LRRC4C: variants seen among roughly 807,000 people sequenced by gnomAD.
LRRC4C encodes leucine rich repeat containing 4C.
LRRC4C carries 5 observed loss-of-function variants against 33.6 expected under a neutral mutation model. That is an observed-to-expected ratio of 0.15 (90% CI 0.08 to 0.31). The LOEUF is 0.31. Among genes scored for constraint, LRRC4C ranks in the 10% least tolerant of loss-of-function variants. The probability of loss-of-function intolerance (pLI) is 1.00; values close to 1 mark genes in which losing one functional copy is unlikely to be tolerated. For missense variants in LRRC4C, 560 were observed against 796.7 expected, an observed-to-expected ratio of 0.70 and a Z score of 3.58; for synonymous variants, 329 against 302.0, an observed-to-expected ratio of 1.09 and a Z score of -0.93.
At chr11:40,273,811 CAG>C (rs1442415631) in intron 4 of LRRC4C, among the ~76,000 whole-genome samples, 1 of 152,068 alleles carries the variant, frequency 6.6e-6, no homozygotes, top group African/African-American at 2.4e-5. Context: ...TTATTGGAAA[CAG>C]AAATGAAAAT....
intron 2 of LRRC4C, among the ~76,000 whole-genome samples, chr11:40,887,761 G>A (rs762893242): frequency 6.6e-6 from 1 of 151,932 alleles, no homozygotes; most frequent in Non-Finnish European, 1.5e-5. Flanking sequence ...TGCTAAGTCT[G>A]AATTACCAGT....
At chr11:41,173,945 T>G (rs1194144502) in intron 1 of LRRC4C, among the ~76,000 whole-genome samples, 2 of 152,126 alleles carry the variant, frequency 1.3e-5, no homozygotes, top group African/African-American at 4.8e-5. Flanking sequence ...GTTATAATGT[T>G]TATCAGAAAT....
At chr11:40,342,723 T>C (rs1946926188) in intron 3 of LRRC4C, among the ~76,000 whole-genome samples, 1 of 152,224 alleles carries the variant, frequency 6.6e-6, no homozygotes, top group African/African-American at 2.4e-5. Context: ...ACTTTGCTTT[T>C]TGAAGTCTCA....
At chr11:40,677,075 T>G (rs2136305028) in intron 2 of LRRC4C, among the ~76,000 whole-genome samples, 1 of 152,256 alleles carries the variant, frequency 6.6e-6, no homozygotes, top group South Asian at 2.1e-4. Context: ...AGGTTTTAAA[T>G]TCTCTTCTTT....
At chr11:40,161,705 C>T (rs941357667) in intron 5 of LRRC4C, among the ~76,000 whole-genome samples, 7 of 152,032 alleles carry the variant, frequency 4.6e-5, no homozygotes, top group Non-Finnish European at 4.4e-5. Context: ...CACAGTGAGC[C>T]GAGATCGCGC....
intron 1 of LRRC4C, among the ~76,000 whole-genome samples, chr11:40,997,090 G>T (rs1044152663): frequency 2.0e-5 from 3 of 152,066 alleles, no homozygotes; most frequent in African/African-American, 2.4e-5. Context: ...TGATGTCAGG[G>T]TTTAGTTCTG....
intron 2 of LRRC4C, among the ~76,000 whole-genome samples, chr11:40,789,541 A>T (rs943235515): frequency 1.3e-5 from 2 of 152,202 alleles, no homozygotes; most frequent in Non-Finnish European, 2.9e-5. Flanking sequence ...CTAAGTCAAT[A>T]AGATTTTTAA....
chr11:40,246,648 T>A (rs1866363022), intron 4 of LRRC4C, among the ~76,000 whole-genome samples: 1 of 152,192 alleles, frequency 6.6e-6, no homozygotes, highest in Non-Finnish European at 1.5e-5. Context: ...ATCTTCTGTT[T>A]TTTTTAATAA....
At chr11:41,017,016 T>C (rs1855632803) in intron 1 of LRRC4C, among the ~76,000 whole-genome samples, 1 of 152,212 alleles carries the variant, frequency 6.6e-6, no homozygotes, top group South Asian at 2.1e-4. Context: ...AAAGTATTTT[T>C]ATTTTTTTCT....
chr11:41,118,336 A>G (rs1176071851), intron 1 of LRRC4C, among the ~76,000 whole-genome samples: 1 of 152,176 alleles, frequency 6.6e-6, no homozygotes, highest in Non-Finnish European at 1.5e-5. Flanking sequence ...GTTGTCAGAC[A>G]TCCAACATAC....
In LRRC4C at chr11:40,454,388, A is replaced by AT. The variant is rs879523492; in HGVS notation, c.-269-134668dup. 7.3e-3 allele frequency among the ~76,000 whole-genome samples: 1,065 copies of AT among 146,884 alleles called. 6 individuals are homozygous for AT. Among genetic ancestry groups the AT allele is most frequent in the African/African-American group, 0.014 (558 of 40,358 alleles). ...GAGTTACAGGTAGTAAACTTAGAGA[A>AT]TTTTTTTTTTTTGTATTCTAACACT... On this transcript the variant is annotated intron_variant, in intron 3 of 6. Transcript: ENST00000528697.
intron 1 of LRRC4C, among the ~76,000 whole-genome samples, chr11:41,157,699 T>C (rs950538368): frequency 3.3e-5 from 5 of 152,158 alleles, no homozygotes; most frequent in African/African-American, 1.2e-4. Context: ...CCCTTCTGAA[T>C]TGGGCTTTGA....
intron 2 of LRRC4C, among the ~76,000 whole-genome samples, chr11:40,852,092 G>A (rs1953535149): frequency 6.6e-6 from 1 of 151,562 alleles, no homozygotes; most frequent in African/African-American, 2.4e-5. Flanking sequence ...CTCCCAAAGT[G>A]CTGGGATTAC....
chr11:40,760,533 A>G (rs1949156850), intron 2 of LRRC4C, among the ~76,000 whole-genome samples: 1 of 151,974 alleles, frequency 6.6e-6, no homozygotes, highest in Non-Finnish European at 1.5e-5. Context: ...AATATTATGT[A>G]TAGAAGTGTA....
intron 3 of LRRC4C, among the ~76,000 whole-genome samples, chr11:40,360,405 C>G (rs1349237822): frequency 1.3e-5 from 2 of 152,258 alleles, no homozygotes; most frequent in East Asian, 3.9e-4. Flanking sequence ...GGGAAACTAC[C>G]AAGTCTGGAA....
chr11:40,647,503 A>G (rs547944707), intron 3 of LRRC4C, among the ~76,000 whole-genome samples: 2 of 152,262 alleles, frequency 1.3e-5, no homozygotes, highest in Admixed American at 1.3e-4. Context: ...CCACAACCCA[A>G]TCCTCCAGCT....
At chr11:40,925,123 TTCTCTCTCTC>T (rs56945447) in intron 2 of LRRC4C, among the ~76,000 whole-genome samples, 8 of 149,536 alleles carry the variant, frequency 5.3e-5, no homozygotes, top group East Asian at 2.0e-4. Flanking sequence ...CCCCAAATAT[TTCTCTCTCTC>T]TCTCTCTCTC....
At chr11:40,801,681 G>T (rs980713549) in intron 2 of LRRC4C, among the ~76,000 whole-genome samples, 1 of 152,086 alleles carries the variant, frequency 6.6e-6, no homozygotes, top group African/African-American at 2.4e-5. Flanking sequence ...CTTTTAGAAA[G>T]AATTCAATAG....
chr11:41,020,385 C>A (rs1855876222), intron 1 of LRRC4C, among the ~76,000 whole-genome samples: 1 of 152,036 alleles, frequency 6.6e-6, no homozygotes. Context: ...AGGGTCTTTG[C>A]ATATTTAATT....
Sources: gnomAD v4.1 joint callset for allele counts (sites outside exome capture counted in the v4.1 genomes callset) on GRCh38, gnomAD v4.1.1 for gene constraint, MANE v1.5 for transcripts, NCBI Gene and HGNC (gene_info 2026-07-23, HGNC 2026-07-21) for gene names.